The following DEPDC1B variants were observed in gnomAD, a reference collection of about 807,000 sequenced individuals.
DEPDC1B encodes the protein DEP domain containing 1B.
In DEPDC1B, 51 loss-of-function variants were observed where a neutral mutation model predicts 66.5. That is an observed-to-expected ratio of 0.77 (90% confidence interval 0.61 to 0.97). DEPDC1B has a LOEUF of 0.97. Ranked by LOEUF, DEPDC1B falls within the 50% of genes least tolerant of loss-of-function variation. The pLI is 0.00. For missense variants in DEPDC1B, 552 were observed against 637.1 expected, an observed-to-expected ratio of 0.87 and a Z score of 1.44; for synonymous variants, 226 against 223.6, an observed-to-expected ratio of 1.01 and a Z score of -0.10.
At chr5:60,630,201 G>A (rs1442928151) in intron 7 of DEPDC1B, among the ~76,000 whole-genome samples, 3 of 152,216 alleles carry the variant, frequency 2.0e-5, no homozygotes, top group East Asian at 1.9e-4. Flanking sequence ...AGACAGACTC[G>A]CCATTCCCCA....
At chr5:60,676,673 C>T (rs1754169205) in intron 2 of DEPDC1B, among the ~76,000 whole-genome samples, 1 of 152,058 alleles carries the variant, frequency 6.6e-6, no homozygotes, top group African/African-American at 2.4e-5. Flanking sequence ...CTTCCCATCC[C>T]TTCTTTTTAT....
intron 1 of DEPDC1B, among the ~76,000 whole-genome samples, chr5:60,689,947 G>A (rs113819648): frequency 0.013 from 1,920 of 152,200 alleles, 16 homozygotes; most frequent in Non-Finnish European, 0.02. Context: ...CAGACTGAGC[G>A]GGGAGGCTGA....
chr5:60,687,067 T>C lies in DEPDC1B; in HGVS notation c.209A>G (p.Lys70Arg). 1.9e-6 allele frequency: 3 copies of C among 1,614,248 alleles called. No individual in the cohort carries two copies. The highest frequency in any genetic ancestry group is 2.5e-6 in the Non-Finnish European group (3 of 1,180,050). Residue 70 changes from lysine to arginine, a missense_variant, in exon 2 of 11, where the codon AAA becomes AGA. Transcript: ENST00000265036. ...TTTTTTTAGCAGCTGGACCGTTTGT[T>C]TGCGGGTCACTTCAGGGCCGAAGTT... ...SQNFGPEVTR[K>R]QTVQLLKKFL...
chr5:60,623,732 C>A (rs758050314), intron 7 of DEPDC1B, among the ~76,000 whole-genome samples: 1 of 152,158 alleles, frequency 6.6e-6, no homozygotes, highest in Non-Finnish European at 1.5e-5. Context: ...GTCTTGCACA[C>A]ACCTTGTTTA....
chr5:60,672,521 A>G (rs1408970886), intron 2 of DEPDC1B, among the ~76,000 whole-genome samples: 1 of 152,210 alleles, frequency 6.6e-6, no homozygotes, highest in African/African-American at 2.4e-5. Flanking sequence ...CACTATCACA[A>G]GAACAGAAAG....
chr5:60,667,759 A>G (rs1261908881), intron 2 of DEPDC1B, among the ~76,000 whole-genome samples: 2 of 134,832 alleles, frequency 1.5e-5, no homozygotes, highest in Non-Finnish European at 3.1e-5. Context: ...ACATATATAT[A>G]AAAAATGGAT....
intron 2 of DEPDC1B, among the ~76,000 whole-genome samples, chr5:60,675,405 T>A (rs1276255746): frequency 6.6e-6 from 1 of 152,098 alleles, no homozygotes; most frequent in Non-Finnish European, 1.5e-5. Context: ...CTCCAGGGAC[T>A]CCAAAATCCT....
chr5:60,621,340 T>C (rs1040204813), intron 7 of DEPDC1B, among the ~76,000 whole-genome samples: 2 of 151,412 alleles, frequency 1.3e-5, no homozygotes, highest in African/African-American at 2.4e-5. Context: ...GTGGCACATA[T>C]ACACCATGGA....
chr5:60,642,881 T>G, intron 5 of DEPDC1B, 22 bp from the exon 6 acceptor site: 1 of 1,599,562 alleles, frequency 6.3e-7, no homozygotes, highest in Middle Eastern at 2.0e-4. Context: ...AGAAAATTTG[T>G]ACTCAATTCC....
chr5:60,616,188 G>A (rs1752550131), intron 7 of DEPDC1B, among the ~76,000 whole-genome samples: 2 of 152,114 alleles, frequency 1.3e-5, no homozygotes, highest in African/African-American at 4.8e-5. Flanking sequence ...CACAAAGATG[G>A]GGGAAAAACA....
intron 2 of DEPDC1B, among the ~76,000 whole-genome samples, chr5:60,649,060 C>A (rs1390653076): frequency 2.0e-5 from 3 of 152,152 alleles, no homozygotes; most frequent in African/African-American, 7.2e-5. Context: ...TCCCTACTCC[C>A]ATCCCACCAC....
intron 9 of DEPDC1B, among the ~76,000 whole-genome samples, chr5:60,603,119 G>A (rs549805626): frequency 1.3e-5 from 2 of 152,236 alleles, no homozygotes; most frequent in African/African-American, 4.8e-5. Flanking sequence ...TCCATCAGTA[G>A]GTGTATGTAG....
intron 7 of DEPDC1B, among the ~76,000 whole-genome samples, chr5:60,630,226 T>A (rs1248110299): frequency 1.3e-5 from 2 of 152,252 alleles, no homozygotes; most frequent in African/African-American, 2.4e-5. Flanking sequence ...GTCTTTCAGA[T>A]GTTCTTTCAA....
At chr5:60,622,164 C>T (rs1354067120) in intron 7 of DEPDC1B, among the ~76,000 whole-genome samples, 1 of 152,044 alleles carries the variant, frequency 6.6e-6, no homozygotes, top group East Asian at 1.9e-4. Context: ...CCCATGTAAA[C>T]AGCACAACAA....
chr5:60,662,733 C>A (rs1387850306), intron 2 of DEPDC1B, among the ~76,000 whole-genome samples: 2 of 152,106 alleles, frequency 1.3e-5, no homozygotes, highest in African/African-American at 4.8e-5. Context: ...CCTCAGGGGA[C>A]AAAAGTCCTC....
intron 1 of DEPDC1B, among the ~76,000 whole-genome samples, chr5:60,691,421 T>G (rs890977540): frequency 1.3e-5 from 2 of 152,238 alleles, no homozygotes; most frequent in Admixed American, 6.5e-5. Context: ...GCTAGTCATG[T>G]CTTCCTCCTG....
intron 9 of DEPDC1B, among the ~76,000 whole-genome samples, chr5:60,600,821 T>C (rs1237136171): frequency 6.6e-6 from 1 of 152,238 alleles, no homozygotes; most frequent in Non-Finnish European, 1.5e-5. Context: ...TACACAAACC[T>C]AGCAAGTATA....
At chr5:60,624,333 G>A (rs1265088243) in intron 7 of DEPDC1B, among the ~76,000 whole-genome samples, 1 of 151,984 alleles carries the variant, frequency 6.6e-6, no homozygotes, top group Non-Finnish European at 1.5e-5. Context: ...TACCTTGCTG[G>A]GATAAACCCT....
chr5:60,643,238 A>G (rs1753231851), intron 5 of DEPDC1B, among the ~76,000 whole-genome samples: 1 of 152,238 alleles, frequency 6.6e-6, no homozygotes, highest in Admixed American at 6.5e-5. Context: ...TTTGTGAAAC[A>G]AGTTCATCAA....
Sources: allele counts gnomAD v4.1 joint callset (sites outside exome capture counted in the v4.1 genomes callset), GRCh38; gene constraint gnomAD v4.1.1; transcripts MANE v1.5; gene names NCBI Gene and HGNC (gene_info 2026-07-23, HGNC 2026-07-21).